The following TNKS1BP1 variants were observed in gnomAD, a reference collection of about 807,000 sequenced individuals.
TNKS1BP1 encodes the protein CCR4-NOT transcription complex subunit 12.
TNKS1BP1 carries 48 observed loss-of-function variants against 141.1 expected under a neutral mutation model. The ratio of observed to expected loss-of-function variants is 0.34; its 90% CI spans 0.27 to 0.43. The LOEUF (loss-of-function observed/expected upper bound fraction) is 0.43, where lower values mean the gene tolerates loss of function less well. Among genes scored for constraint, TNKS1BP1 ranks in the 20% least tolerant of loss-of-function variants. The pLI is 1.00. For synonymous variants in TNKS1BP1, 875 were observed against 898.2 expected (o/e 0.97, Z 0.46); for missense variants, 2,149 against 2,226.0 (o/e 0.97, Z 0.70).
At chr11:57,321,582 C>T (rs1051885948) in intron 2 of TNKS1BP1, among the ~76,000 whole-genome samples, 3 of 152,230 alleles carry the variant, frequency 2.0e-5, no homozygotes, top group Admixed American at 6.5e-5. Flanking sequence ...TCTGCTCTTA[C>T]ACCTGTTGGA....
intron 2 of TNKS1BP1, 46 bp downstream of exon 2, chr11:57,321,744 TCC>T: frequency 1.9e-6 from 2 of 1,039,816 alleles, no homozygotes; most frequent in Non-Finnish European, 3.0e-6. Flanking sequence ...CCTCTGTCCT[TCC>T]CACCCCCCTC....
rs758321840 is a variant in TNKS1BP1 at position 57,309,553 on chromosome 11, G to A, written c.3158C>T (p.Ala1053Val). The A allele has an allele frequency of 6.2e-7, 1 of 1,613,326 alleles. No individual in the cohort carries two copies. The highest frequency in any genetic ancestry group is 1.1e-5 in the South Asian group (1 of 91,086). Residue 1053 changes from alanine to valine, a missense_variant, in exon 6 of 12, where the codon GCT (alanine) becomes GTT (valine). Physicochemically the swap from Ala to Val is moderately conservative, Grantham distance 64. Coordinates refer to ENST00000358252, the MANE Select transcript of TNKS1BP1 (RefSeq NM_033396.3). The surrounding 1 kb of genome is among the most constrained non-coding windows in gnomAD (Gnocchi z 4.3). ...RDQSSWQNSD[A>V]SQEVGGHQER... The stretch of plus-strand genomic sequence containing the variant: ...CTGATGCCCTCCCACCTCCTGGCTA[G>A]CATCACTGTTTTGCCAGCTGCTCTG...
In TNKS1BP1 at chr11:57,310,589, C is replaced by T. The variant is rs1590585320; in HGVS notation, c.2155-33G>A. 8.2e-6 allele frequency: 13 copies of T among 1,578,250 alleles called. No homozygotes were observed. In the East Asian group the frequency reaches 2.7e-4, roughly 33 times the overall value. ...TAAGAAAAAAAAACAGACAAAGAAACAACGATTAGATTCCATCAGGGTGGG... is the reference window on the plus strand; with the variant it reads ...TAAGAAAAAAAAACAGACAAAGAAATAACGATTAGATTCCATCAGGGTGGG... On this transcript the variant is annotated intron_variant, in intron 5 of 11. Transcript: ENST00000358252.
intron 2 of TNKS1BP1, 46 bp downstream of exon 2, chr11:57,321,746 C>A: frequency 4.9e-6 from 4 of 822,406 alleles, no homozygotes; most frequent in South Asian, 1.4e-5. Context: ...TCTGTCCTTC[C>A]CACCCCCCTC....
chr11:57,300,532 G>T lies in TNKS1BP1; in HGVS notation c.*8C>A, dbSNP rs752235596. 3.1e-6 allele frequency: 5 copies of T among 1,614,246 alleles called. No individual in the cohort carries two copies. Among genetic ancestry groups the T allele is most frequent in the Non-Finnish European group, 4.2e-6 (5 of 1,180,038 alleles). ...AGCCCAGGAACCTGTCCTCACCTCA[G>T]TGACTTCTCAGACCTTCTTCTTCTT... On this transcript the variant is annotated 3_prime_UTR_variant, in exon 11 of 12. Coordinates refer to ENST00000358252, the MANE Select transcript of TNKS1BP1 (RefSeq NM_033396.3).
rs35950335 is a variant in TNKS1BP1 at position 57,309,421 on chromosome 11, T to A, written c.3290A>T (p.Gln1097Leu). 2.5e-6 allele frequency: 4 copies of A among 1,614,026 alleles called. No homozygotes were observed. The highest frequency in any genetic ancestry group is 2.5e-6 in the Non-Finnish European group (3 of 1,180,046). The change falls in exon 6 of 12, where the codon CAG (glutamine) becomes CTG (leucine). Residue 1097 changes from glutamine to leucine, a missense_variant. Coordinates refer to ENST00000358252, the MANE Select transcript of TNKS1BP1 (RefSeq NM_033396.3). The surrounding 1 kb of genome is among the most constrained non-coding windows in gnomAD (Gnocchi z 4.3). ...CCCTGGGCTAAATGCTGCCTCTCGCTGGGGGCCAACACTGAGGCTAAACTC... is the reference window on the plus strand; with the variant it reads ...CCCTGGGCTAAATGCTGCCTCTCGCAGGGGGCCAACACTGAGGCTAAACTC... Reference protein sequence around the residue: ...VGEFSLSVGPQREAAFSPGQQ... With the variant: ...VGEFSLSVGPLREAAFSPGQQ...
rs373603637 is a variant in TNKS1BP1, at chr11:57,302,582, G to A, written c.4560C>T (p.Asp1520=). ...QPDGEASQTE[D]VDGTWGSSAA... Reference sequence around the variant, plus strand: ...CTGAAGAGCCCCAGGTGCCATCCACGTCTTCTGTCTGGCTGGCCTCACCAT... The same window carrying A: ...CTGAAGAGCCCCAGGTGCCATCCACATCTTCTGTCTGGCTGGCCTCACCAT... The change falls in exon 7 of 12, where the codon GAC becomes GAT. Residue 1520 remains aspartate (D), a synonymous_variant. Transcript: ENST00000358252. This position sits in a 1 kb window ranked among gnomAD's most constrained non-coding sequence, Gnocchi z 5.5. The A allele has an allele frequency of 2.2e-5, 36 of 1,612,858 alleles. No homozygotes were observed. The highest frequency in any genetic ancestry group is 7.7e-5 in the South Asian group (7 of 90,990).
Position 57,302,167 on chromosome 11 carries a change from G to A in TNKS1BP1, c.4741C>T (p.Arg1581Cys), listed in dbSNP as rs769467796. The A allele has an allele frequency of 5.0e-6, 8 of 1,613,356 alleles. No individual in the cohort carries two copies. Among genetic ancestry groups the A allele is most frequent in the South Asian group, 1.1e-5 (1 of 91,054 alleles). The change falls in exon 8 of 12, where the codon CGT (arginine) becomes TGT (cysteine). Residue 1581 changes from arginine (R) to cysteine (C), a missense_variant. Arg to Cys is a radical substitution (Grantham distance 180). Transcript: ENST00000358252. This position sits in a 1 kb window ranked among gnomAD's most constrained non-coding sequence, Gnocchi z 5.5. ...CGAATGACCGGGGCCCGGTGCCCAC[G>A]CTTGCGCCCCAAGTTGGCACGGCTC... ...YRSRANLGRK[R>C]GHRAPVIRPG...
Position 57,313,628 on chromosome 11 carries a change from G to A in TNKS1BP1, c.1060C>T (p.Pro354Ser). Residue 354 changes from proline to serine, a missense_variant, in exon 5 of 12, where the codon CCG becomes TCG. Transcript: ENST00000358252. ...PDEGSRHTPS[P>S]GLPAEGAPEA... ...GGAGCCCCCTCGGCAGGGAGCCCCG[G>A]GCTGGGGGTGTGGCGGGAGCCCTCG... is the stretch of plus-strand genomic sequence containing the variant. 6.3e-7 allele frequency: 1 copy of A among 1,590,610 alleles called. No individual in the cohort carries two copies. Among genetic ancestry groups the A allele is most frequent in the Non-Finnish European group, 8.6e-7 (1 of 1,168,446 alleles).
At chr11:57,314,232 C>T (rs1394855864) in intron 4 of TNKS1BP1, among the ~76,000 whole-genome samples, 1 of 152,232 alleles carries the variant, frequency 6.6e-6, no homozygotes, top group Non-Finnish European at 1.5e-5. Context: ...ATAACACCTG[C>T]TTTATAAAGG....
intron 2 of TNKS1BP1, among the ~76,000 whole-genome samples, chr11:57,321,094 C>G (rs1327095993): frequency 6.6e-6 from 1 of 152,086 alleles, no homozygotes; most frequent in African/African-American, 2.4e-5. Flanking sequence ...GCAGTCAGCC[C>G]CCCCATATTC....
intron 3 of TNKS1BP1, among the ~76,000 whole-genome samples, chr11:57,318,465 C>T (rs1855830598): frequency 6.6e-6 from 1 of 152,244 alleles, no homozygotes; most frequent in African/African-American, 2.4e-5. Context: ...AGGCTCCAGA[C>T]ACTTTCAGGT....
chr11:57,302,835 G>T lies in TNKS1BP1; in HGVS notation c.4317-10C>A. On this transcript the variant is annotated splice_polypyrimidine_tract_variant and intron_variant, in intron 6 of 11. Coordinates refer to ENST00000358252, the MANE Select transcript of TNKS1BP1 (RefSeq NM_033396.3). The surrounding 1 kb of genome is among the most constrained non-coding windows in gnomAD (Gnocchi z 5.5). ...CGGGCACCTGCCAGGGCTGTAAAGG[G>T]GACAGAGAGAGAACGAGATCATCGT... 1 of 1,509,762 alleles carries T rather than the reference G, an allele frequency of 6.6e-7. No individual in the cohort carries two copies. The highest frequency in any genetic ancestry group is 1.3e-5 in the South Asian group (1 of 78,596). 93.5% of individuals were successfully genotyped at this position (1,509,762 alleles called of 1,614,324 possible).
Position 57,313,586 on chromosome 11 carries a change from T to G in TNKS1BP1, c.1102A>C (p.Ser368Arg). The change falls in exon 5 of 12, where the codon AGC (serine) becomes CGC (arginine). Residue 368 changes from serine to arginine, a missense_variant. Transcript: ENST00000358252. The stretch of plus-strand genomic sequence containing the variant: ...TCCAAGACCTCAGGGGGTGGGCTGC[T>G]GGGTCTGGGGGCCTCTGGAGCCCCC... ...AEGAPEAPRP[S>R]SPPPEVLEPH... The G allele has an allele frequency of 6.3e-7, 1 of 1,593,156 alleles. No individual in the cohort carries two copies. The highest frequency in any genetic ancestry group is 8.5e-7 in the Non-Finnish European group (1 of 1,171,336).
At chr11:57,316,376 A>C (rs1000436354) in intron 4 of TNKS1BP1, among the ~76,000 whole-genome samples, 1 of 152,022 alleles carries the variant, frequency 6.6e-6, no homozygotes, top group Non-Finnish European at 1.5e-5. Flanking sequence ...ACAATTCCCA[A>C]GTGTTCCTTT....
rs1565037364 is a variant in TNKS1BP1 at position 57,302,428 on chromosome 11, ACC to A, written c.4683+29_4683+30del. Reference sequence around the variant, plus strand: ...GGCTCTCGCTGCATCGCCCTCACCCACCCACTGTCATGGGCTCACCCTCCACT... The same window carrying A: ...GGCTCTCGCTGCATCGCCCTCACCCACACTGTCATGGGCTCACCCTCCACT... On this transcript the variant is annotated intron_variant, in intron 7 of 11. Coordinates refer to ENST00000358252, the MANE Select transcript of TNKS1BP1 (RefSeq NM_033396.3). The surrounding 1 kb of genome is among the most constrained non-coding windows in gnomAD (Gnocchi z 5.5). The A allele has an allele frequency of 7.7e-6, 12 of 1,560,768 alleles. No homozygotes were observed. The highest frequency in any genetic ancestry group is 1.0e-5 in the Non-Finnish European group (12 of 1,148,180).
At chr11:57,306,916 T>TGGGGGGGGGGG (rs1189050190) in intron 6 of TNKS1BP1, among the ~76,000 whole-genome samples, 33 of 11,382 alleles carry the variant, frequency 2.9e-3, no homozygotes, top group Admixed American at 4.4e-3. Flanking sequence ...GGGGGGGGGT[T>TGGGGGGGGGGG]GGGTGGGAGG....
intron 6 of TNKS1BP1, among the ~76,000 whole-genome samples, chr11:57,304,037 C>A (rs1045635399): frequency 4.3e-4 from 65 of 152,206 alleles, no homozygotes; most frequent in African/African-American, 1.3e-3. Flanking sequence ...GTTTGTCACT[C>A]CCCCAGATGG....
chr11:57,321,210 C>T (rs926500526), intron 2 of TNKS1BP1, among the ~76,000 whole-genome samples: 1 of 152,160 alleles, frequency 6.6e-6, no homozygotes, highest in Admixed American at 6.5e-5. Flanking sequence ...CCTCCTCCCC[C>T]ACCCACAGCA....
Sources: allele counts gnomAD v4.1 joint callset (sites outside exome capture counted in the v4.1 genomes callset), GRCh38; gene constraint gnomAD v4.1.1; non-coding constraint Gnocchi (gnomAD v3.1); transcripts MANE v1.5; gene names NCBI Gene and HGNC (gene_info 2026-07-23, HGNC 2026-07-21).